LACTB: variants seen among roughly 807,000 people sequenced by gnomAD.
LACTB encodes the protein lactamase beta, also known as serine beta-lactamase-like protein LACTB, mitochondrial.
A neutral mutation model predicts 50.2 loss-of-function variants in LACTB; 35 were observed. That is an observed-to-expected ratio of 0.70 (90% CI 0.53 to 0.92). LACTB has a LOEUF of 0.92. Among genes scored for constraint, LACTB ranks in the 40% least tolerant of loss-of-function variants. LACTB has a pLI of 0.00. For missense variants in LACTB, 664 were observed against 691.8 expected (o/e 0.96, Z 0.45); for synonymous variants, 252 against 268.2 (o/e 0.94, Z 0.59).
Position 63,121,892 on chromosome 15 carries a change from A to C in LACTB, c.21A>C (p.Ala7=). 7.1e-7 allele frequency: 1 copy of C among 1,417,376 alleles called. No individual in the cohort carries two copies. Among genetic ancestry groups the C allele is most frequent in the Non-Finnish European group, 9.2e-7 (1 of 1,091,316 alleles). The allele number at this position is 1,417,376 out of a possible 1,614,324, so 87.8% of individuals were successfully genotyped here. A position where few individuals can be genotyped will look rare whatever the true frequency, so the allele number is the denominator to read the frequency against. The change falls in exon 1 of 6, where the codon GCA becomes GCC. Residue 7 remains alanine (A), a synonymous_variant. Transcript: ENST00000261893. ...ACGCCATGTACCGGCTCATGTCAGC[A>C]GTGACTGCCCGGGCTGCCGCCCCCG... MYRLMS[A]VTARAAAPGG...
Position 63,129,775 on chromosome 15 carries a change from A to G in LACTB, c.1118+125A>G, listed in dbSNP as rs2037105626. ...TGCCACATTTTGGGAGCTTTTCTAC[A>G]TGTCTGTTTTCTCATCTGTAAAGTG... On this transcript the variant is annotated intron_variant, in intron 5 of 5. Transcript: ENST00000261893. 3 of 1,285,558 alleles carry G rather than the reference A, an allele frequency of 2.3e-6. 1 individual carries two copies. The South Asian group carries it at 7.3e-5, about 31-fold the overall frequency. 79.6% of individuals were successfully genotyped at this position (1,285,558 alleles called of 1,614,324 possible). A position where few individuals can be genotyped will look rare whatever the true frequency, so the allele number is the denominator to read the frequency against.
At chr15:63,125,382 G>A (rs1408448863) in intron 2 of LACTB, among the ~76,000 whole-genome samples, 1 of 151,860 alleles carries the variant, frequency 6.6e-6, no homozygotes, top group Non-Finnish European at 1.5e-5. Context: ...TGGTCAGGCT[G>A]GTCTCGAACT....
chr15:63,141,684 TA>T lies in LACTB; in HGVS notation c.1526del (p.Asn509IlefsTer27), dbSNP rs1566994691. On this transcript the variant is annotated frameshift_variant, in exon 6 of 6. Coordinates refer to ENST00000261893, the MANE Select transcript of LACTB (RefSeq NM_032857.5). LOFTEE classifies it high-confidence loss of function. ...VLPEELDTETINNKVPPRGII... is the reference protein window; with the variant it reads ...VLPEELDTETXNNKVPPRGII... Reference sequence around the variant, plus strand: ...CCTGAAGAACTGGATACAGAGACTATAAATAACAAGGTTCCCCCAAGAGGAA... The same window carrying T: ...CCTGAAGAACTGGATACAGAGACTATAATAACAAGGTTCCCCCAAGAGGAA... 3 of 1,614,182 alleles carry T rather than the reference TA, an allele frequency of 1.9e-6. No individual in the cohort carries two copies. Among genetic ancestry groups the T allele is most frequent in the Non-Finnish European group, 2.5e-6 (3 of 1,180,030 alleles).
At chr15:63,137,232 A>G (rs906550679) in intron 5 of LACTB, among the ~76,000 whole-genome samples, 1 of 152,348 alleles carries the variant, frequency 6.6e-6, no homozygotes, top group African/African-American at 2.4e-5. Flanking sequence ...AGTACACTAA[A>G]TAACCCAGTA....
intron 1 of LACTB, 151 bp downstream of exon 1, chr15:63,122,379 G>T (rs1027140921): frequency 1.3e-6 from 1 of 783,254 alleles, no homozygotes; most frequent in African/African-American, 1.8e-5. Context: ...CCGAGCCGTG[G>T]TCAGACGCTC....
chr15:63,141,632 G>C lies in LACTB; in HGVS notation c.1471G>C (p.Gly491Arg), dbSNP rs367940459. ...HYASHTGGAV[G>R]ASSVLLVLPE... ...TGCTTCACATACTGGAGGGGCAGTG[G>C]GTGCCAGTAGTGTCCTGCTGGTCCT... Residue 491 changes from glycine (G) to arginine (R), a missense_variant, in exon 6 of 6, where the codon GGT becomes CGT. Transcript: ENST00000261893. The C allele has an allele frequency of 6.2e-7, 1 of 1,614,172 alleles. No homozygotes were observed. Among genetic ancestry groups the C allele is most frequent in the Non-Finnish European group, 8.5e-7 (1 of 1,180,038 alleles).
Position 63,126,860 on chromosome 15 carries a change from T to A in LACTB, c.426T>A (p.Gly142=). Residue 142 remains glycine (G), a splice_region_variant and synonymous_variant, in exon 3 of 6, where the codon GGT becomes GGA. Transcript: ENST00000261893. ...ACTTTTTGCTTTTTTCCCCCAAAGG[T>A]TTAGGTTATGCTGATGTTGAGAACC... ...SVDGKEVWSE[G]LGYADVENRV... is the part of the protein sequence containing the mutation. The A allele has an allele frequency of 6.5e-7, 1 of 1,546,712 alleles. No individual in the cohort carries two copies. The highest frequency in any genetic ancestry group is 1.2e-5 in the South Asian group (1 of 82,266).
In LACTB at chr15:63,141,705, G is replaced by A; in HGVS notation, c.1544G>A (p.Arg515Lys). ...ACTATAAATAACAAGGTTCCCCCAA[G>A]AGGAATCATTGTTTCTATCATATGT... ...TETINNKVPPRGIIVSIICNM... is the reference protein window; with the variant it reads ...TETINNKVPPKGIIVSIICNM... Residue 515 changes from arginine to lysine, a missense_variant, in exon 6 of 6, where the codon AGA becomes AAA. Coordinates refer to ENST00000261893, the MANE Select transcript of LACTB (RefSeq NM_032857.5). 1 of 1,614,164 alleles carries A rather than the reference G, an allele frequency of 6.2e-7. No individual in the cohort carries two copies.
rs1006199510 is a variant in LACTB at position 63,122,312 on chromosome 15, C to G, written c.357+84C>G. 141 of 1,165,342 alleles carry G rather than the reference C, an allele frequency of 1.2e-4. 1 individual carries two copies. The highest frequency in any genetic ancestry group is 1.4e-4 in the Non-Finnish European group (120 of 853,444). 72.2% of individuals were successfully genotyped at this position (1,165,342 alleles called of 1,614,324 possible). On this transcript the variant is annotated intron_variant, in intron 1 of 5. Coordinates refer to ENST00000261893, the MANE Select transcript of LACTB (RefSeq NM_032857.5). The stretch of plus-strand genomic sequence containing the variant: ...TGTCGGGGGCTGAGTGGACCCCACC[C>G]GGGGCGGCGGGGTGCCCGCGATCGG...
intron 4 of LACTB, among the ~76,000 whole-genome samples, chr15:63,128,885 G>A (rs1046312885): frequency 6.6e-6 from 1 of 151,886 alleles, no homozygotes; most frequent in Non-Finnish European, 1.5e-5. Context: ...CTGGGATTAT[G>A]GGTGCCCGCC....
chr15:63,122,580 G>T (rs1282638638), intron 1 of LACTB, 56 bp from the exon 2 acceptor site: 1 of 1,384,324 alleles, frequency 7.2e-7, no homozygotes. Flanking sequence ...CCCGAGGAGA[G>T]CGCTGGGCTT....
At chr15:63,122,485 G>T in intron 1 of LACTB, 151 bp from the exon 2 acceptor site, 1 of 759,092 alleles carries the variant, frequency 1.3e-6, no homozygotes, top group Non-Finnish European at 2.3e-6. Flanking sequence ...TGCTGTTAGT[G>T]AGTGACCATG....
chr15:63,128,745 A>T (rs1566990951), intron 4 of LACTB, among the ~76,000 whole-genome samples: 2 of 151,858 alleles, frequency 1.3e-5, no homozygotes, highest in African/African-American at 4.8e-5. Context: ...ATTTTATTTT[A>T]TTTATTTATT....
At chr15:63,136,384 G>C (rs1402214893) in intron 5 of LACTB, among the ~76,000 whole-genome samples, 2 of 151,990 alleles carry the variant, frequency 1.3e-5, no homozygotes, top group African/African-American at 4.8e-5. Context: ...CTAGTGTTAA[G>C]GGTCCCTATC....
At chr15:63,132,864 T>C (rs890164129) in intron 5 of LACTB, among the ~76,000 whole-genome samples, 2 of 152,118 alleles carry the variant, frequency 1.3e-5, no homozygotes, top group Non-Finnish European at 2.9e-5. Flanking sequence ...CAAAGCAATA[T>C]CTAAAATAAT....
intron 5 of LACTB, among the ~76,000 whole-genome samples, chr15:63,135,042 TATTTG>T (rs1171369485): frequency 6.6e-6 from 1 of 152,222 alleles, no homozygotes; most frequent in African/African-American, 2.4e-5. Context: ...TCCATTTTAT[TATTTG>T]ATTTGTTAGA....
Position 63,141,875 on chromosome 15 carries a change from T to C in LACTB, c.*70T>C, listed in dbSNP as rs924657504. ...TTTGAAACATTAAAGTTCCAAAACA[T>C]GACATTTTTAAGAATAAATTTGAAA... On this transcript the variant is annotated 3_prime_UTR_variant, in exon 6 of 6. Transcript: ENST00000261893. The C allele has an allele frequency of 1.4e-5, 18 of 1,312,356 alleles. No individual in the cohort carries two copies. The highest frequency in any genetic ancestry group is 1.9e-4 in the Middle Eastern group (1 of 5,328). 81.3% of individuals were successfully genotyped at this position (1,312,356 alleles called of 1,614,324 possible).
intron 5 of LACTB, chr15:63,131,191 C>G (rs2037128656): frequency 6.6e-6 from 1 of 152,258 alleles, no homozygotes; most frequent in Non-Finnish European, 1.5e-5. Flanking sequence ...GCTCGGGAGT[C>G]TGAGGCAGGA....
chr15:63,122,404 A>C (rs911224232), intron 1 of LACTB, among the ~76,000 whole-genome samples, 176 bp downstream of exon 1: 2 of 152,044 alleles, frequency 1.3e-5, no homozygotes, highest in African/African-American at 4.8e-5. Context: ...GGGTTCCCCA[A>C]ATCTGGGTGG....
Sources: allele counts gnomAD v4.1 joint callset (sites outside exome capture counted in the v4.1 genomes callset), GRCh38; gene constraint gnomAD v4.1.1; transcripts MANE v1.5; gene names NCBI Gene and HGNC (gene_info 2026-07-23, HGNC 2026-07-21).